The following MACROD2 variants were observed in gnomAD, a reference collection of about 807,000 sequenced individuals.
MACROD2 encodes the protein mono-ADP ribosylhydrolase 2.
Under a neutral mutation model 70.4 loss-of-function variants are expected in MACROD2, and 36 were observed. The observed-to-expected ratio is 0.51, with a 90% CI of 0.39 to 0.68. The LOEUF is 0.68. Ranked by LOEUF, MACROD2 falls within the 30% of genes least tolerant of loss-of-function variation. The probability of loss-of-function intolerance (pLI) is 0.00; values close to 1 mark genes in which losing one functional copy is unlikely to be tolerated. For synonymous variants in MACROD2, 172 were observed against 178.8 expected, an observed-to-expected ratio of 0.96 and a Z score of 0.30; for missense variants, 496 against 538.4, an observed-to-expected ratio of 0.92 and a Z score of 0.78.
chr20:15,050,314 T>C (rs916756652), intron 5 of MACROD2, among the ~76,000 whole-genome samples: 2 of 152,170 alleles, frequency 1.3e-5, no homozygotes, highest in African/African-American at 4.8e-5. Flanking sequence ...ACCACATTGG[T>C]GTAAAAGCAA....
intron 8 of MACROD2, among the ~76,000 whole-genome samples, chr20:15,535,590 A>G (rs2146555812): frequency 6.6e-6 from 1 of 152,334 alleles, no homozygotes; most frequent in Non-Finnish European, 1.5e-5. Context: ...TCACAACTCA[A>G]TCTCTGCCTT....
At chr20:14,507,925 G>C (rs890182920) in intron 4 of MACROD2, among the ~76,000 whole-genome samples, 2 of 152,132 alleles carry the variant, frequency 1.3e-5, no homozygotes, top group Non-Finnish European at 2.9e-5. Flanking sequence ...GGGCTGGAGT[G>C]GCCTCCTGAA....
At chr20:15,311,072 A>G (rs2077747054) in intron 6 of MACROD2, among the ~76,000 whole-genome samples, 1 of 152,220 alleles carries the variant, frequency 6.6e-6, no homozygotes. Flanking sequence ...TAAAGTAGGT[A>G]AAGTAGGTAA....
intron 4 of MACROD2, among the ~76,000 whole-genome samples, chr20:14,529,228 C>A (rs1394933010): frequency 6.6e-6 from 1 of 152,148 alleles, no homozygotes; most frequent in Non-Finnish European, 1.5e-5. Context: ...AAAGATTAAA[C>A]AACAAGATTT....
intron 8 of MACROD2, among the ~76,000 whole-genome samples, chr20:15,827,603 C>T (rs575057150): frequency 9.2e-5 from 14 of 152,226 alleles, no homozygotes; most frequent in East Asian, 5.8e-4. Flanking sequence ...TCTCCTTGTC[C>T]GTTGCCTTTC....
intron 5 of MACROD2, chr20:15,023,027 T>C (rs2075201276): frequency 6.6e-6 from 1 of 151,920 alleles, no homozygotes; most frequent in Admixed American, 6.6e-5. Context: ...TCATATAGAG[T>C]CATGCACCAC....
At chr20:14,957,238 T>G (rs780156997) in intron 5 of MACROD2, among the ~76,000 whole-genome samples, 1 of 152,160 alleles carries the variant, frequency 6.6e-6, no homozygotes, top group Non-Finnish European at 1.5e-5. Flanking sequence ...TATATGCCAT[T>G]CATTTTCATA....
At chr20:15,684,289 C>G (rs1055612394) in intron 8 of MACROD2, among the ~76,000 whole-genome samples, 1 of 152,160 alleles carries the variant, frequency 6.6e-6, no homozygotes, top group Non-Finnish European at 1.5e-5. Flanking sequence ...TCAGCCGGGT[C>G]TAGAGAAAAT....
At chr20:14,024,509 A>G (rs574854307) in intron 2 of MACROD2, among the ~76,000 whole-genome samples, 38 of 152,274 alleles carry the variant, frequency 2.5e-4, no homozygotes, top group Admixed American at 1.0e-3. Flanking sequence ...TCAGTATGAT[A>G]TTGGCTGTGG....
At chr20:15,430,486 C>T (rs931420276) in intron 6 of MACROD2, among the ~76,000 whole-genome samples, 2 of 151,970 alleles carry the variant, frequency 1.3e-5, no homozygotes, top group African/African-American at 4.8e-5. Context: ...AAGAGTAAAA[C>T]AGCTTGGTTG....
intron 6 of MACROD2, among the ~76,000 whole-genome samples, chr20:15,328,258 G>C (rs955992641): frequency 6.6e-6 from 1 of 152,038 alleles, no homozygotes; most frequent in African/African-American, 2.4e-5. Flanking sequence ...AAAGACTCAG[G>C]AAGGAGGCCA....
intron 3 of MACROD2, among the ~76,000 whole-genome samples, chr20:14,119,970 A>C (rs1184990364): frequency 6.6e-6 from 1 of 152,138 alleles, no homozygotes; most frequent in Non-Finnish European, 1.5e-5. Flanking sequence ...GCAATTTGGG[A>C]GTCCGAGGTG....
chr20:15,387,886 G>A (rs1052327059), intron 6 of MACROD2, among the ~76,000 whole-genome samples: 2 of 151,910 alleles, frequency 1.3e-5, no homozygotes, highest in East Asian at 1.9e-4. Flanking sequence ...GGGACTACAG[G>A]TGCATGCCAC....
At chr20:14,025,356 G>T (rs570202333) in intron 2 of MACROD2, among the ~76,000 whole-genome samples, 215 of 152,050 alleles carry the variant, frequency 1.4e-3, no homozygotes, top group Non-Finnish European at 1.8e-3. Context: ...TTTCGTGTCT[G>T]TATCTCCTTC....
At chr20:14,365,224 C>T (rs578039422) in intron 3 of MACROD2, among the ~76,000 whole-genome samples, 11 of 151,922 alleles carry the variant, frequency 7.2e-5, no homozygotes, top group African/African-American at 1.9e-4. Flanking sequence ...GGAATTTGTT[C>T]ATTTTATCTA....
At chr20:14,665,990 TAGG>T (rs1242543762) in intron 4 of MACROD2, among the ~76,000 whole-genome samples, 1 of 152,124 alleles carries the variant, frequency 6.6e-6, no homozygotes, top group Non-Finnish European at 1.5e-5. Flanking sequence ...TATTTGCTAA[TAGG>T]AGGCCTGCCC....
chr20:14,761,022 C>T (rs1270519119), intron 5 of MACROD2, among the ~76,000 whole-genome samples: 2 of 152,060 alleles, frequency 1.3e-5, no homozygotes, highest in Non-Finnish European at 1.5e-5. Context: ...AGCTCCTCCT[C>T]ATTGTTTCTC....
intron 10 of MACROD2, among the ~76,000 whole-genome samples, chr20:15,929,017 G>A (rs1234127730): frequency 6.6e-6 from 1 of 152,038 alleles, no homozygotes; most frequent in Non-Finnish European, 1.5e-5. Context: ...ATCAGCTATT[G>A]CCATAATAAT....
At chr20:15,242,117 A>G (rs914431900) in intron 6 of MACROD2, among the ~76,000 whole-genome samples, 16 of 152,182 alleles carry the variant, frequency 1.1e-4, no homozygotes, top group African/African-American at 3.9e-4. Flanking sequence ...TCTTGGTATA[A>G]TGGATCAAGA....
Sources: gnomAD v4.1 joint callset for allele counts (sites outside exome capture counted in the v4.1 genomes callset) on GRCh38, gnomAD v4.1.1 for gene constraint, MANE v1.5 for transcripts, NCBI Gene and HGNC (gene_info 2026-07-23, HGNC 2026-07-21) for gene names.